Variants in PPP1R16B observed in about 807,000 individuals in gnomAD.
PPP1R16B encodes protein phosphatase 1 regulatory subunit 16B, also known as protein phosphatase 1 regulatory inhibitor subunit 16B.
PPP1R16B carries 14 observed loss-of-function variants against 61.7 expected under a neutral mutation model. The ratio of observed to expected loss-of-function variants is 0.23; its 90% CI spans 0.15 to 0.35. The LOEUF (loss-of-function observed/expected upper bound fraction) is 0.35, where lower values mean the gene tolerates loss of function less well. Ranked by LOEUF, PPP1R16B falls within the 10% of genes least tolerant of loss-of-function variation. PPP1R16B has a pLI of 1.00. For missense variants in PPP1R16B, 547 were observed against 752.5 expected, an observed-to-expected ratio of 0.73 and a Z score of 3.19; for synonymous variants, 266 against 305.3, an observed-to-expected ratio of 0.87 and a Z score of 1.34.
At chr20:38,896,165 T>TCCTTCCTTCTTTCTTCCCTC (rs796560459) in intron 4 of PPP1R16B, among the ~76,000 whole-genome samples, 5 of 101,832 alleles carry the variant, frequency 4.9e-5, no homozygotes, top group Admixed American at 1.9e-4. Context: ...CTCCCTCCCT[T>TCCTTCCTTCTTTCTTCCCTC]CCTTCCTTCT....
At chr20:38,886,063 A>AGGAATT (rs2085242738) in intron 2 of PPP1R16B, among the ~76,000 whole-genome samples, 1 of 152,214 alleles carries the variant, frequency 6.6e-6, no homozygotes, top group Non-Finnish European at 1.5e-5. Context: ...GGCATGAGCC[A>AGGAATT]CCGTGCCTGG....
At chr20:38,895,789 C>CCCTCTTTCCTTCTTTCTCTCCTCCCTT in intron 4 of PPP1R16B, 79 bp downstream of exon 4, 1 of 843,042 alleles carries the variant, frequency 1.2e-6, no homozygotes, top group East Asian at 4.1e-5. Context: ...TCTCCTCCCT[C>CCCTCTTTCCTTCTTTCTCTCCTCCCTT]CCTCCTTCCT....
At chr20:38,816,548 G>GTA (rs573629481) in intron 1 of PPP1R16B, among the ~76,000 whole-genome samples, 1 of 152,186 alleles carries the variant, frequency 6.6e-6, no homozygotes, top group African/African-American at 2.4e-5. Context: ...GTAGAAAGGG[G>GTA]TATGATCATC....
chr20:38,858,877 G>A (rs996579114), intron 2 of PPP1R16B, among the ~76,000 whole-genome samples: 1 of 152,202 alleles, frequency 6.6e-6, no homozygotes, highest in Non-Finnish European at 1.5e-5. Flanking sequence ...GGGAAAATTT[G>A]TCTCTGCTCC....
chr20:38,822,168 T>C (rs1005994729), intron 1 of PPP1R16B, among the ~76,000 whole-genome samples: 1 of 151,992 alleles, frequency 6.6e-6, no homozygotes, highest in Non-Finnish European at 1.5e-5. Context: ...TTAGTTGAAC[T>C]ACTTGAAGTC....
intron 2 of PPP1R16B, among the ~76,000 whole-genome samples, chr20:38,855,196 A>G (rs1437233388): frequency 6.6e-6 from 1 of 152,154 alleles, no homozygotes; most frequent in Non-Finnish European, 1.5e-5. Context: ...GCCATGTGTC[A>G]TCTCTAAAGA....
In PPP1R16B at chr20:38,850,699, C is replaced by T. The variant is rs565451638; in HGVS notation, c.250+14524C>T. On this transcript the variant is annotated intron_variant, in intron 2 of 10. Coordinates refer to ENST00000299824, the MANE Select transcript of PPP1R16B (RefSeq NM_015568.4). ...ATGTTGAATAGGGCCCAGCGTGGTG[C>T]TCACGCCTGTTAATCGCAGCACTTT... Among the ~76,000 whole-genome samples the T allele has an allele frequency of 3.3e-5, 5 of 152,316 alleles. No individual in the cohort carries two copies. In the South Asian group the frequency reaches 6.2e-4, roughly 19 times the overall value.
intron 10 of PPP1R16B, among the ~76,000 whole-genome samples, chr20:38,914,163 A>G (rs1355421128): frequency 6.6e-6 from 1 of 151,884 alleles, no homozygotes; most frequent in African/African-American, 2.4e-5. Context: ...AGCCTGGGCA[A>G]CAGAGTGAGA....
intron 1 of PPP1R16B, among the ~76,000 whole-genome samples, chr20:38,815,622 A>G (rs2084730636): frequency 6.6e-6 from 1 of 152,242 alleles, no homozygotes; most frequent in Admixed American, 6.5e-5. Context: ...TCAACAGTGT[A>G]TGACTGTTTC....
intron 2 of PPP1R16B, among the ~76,000 whole-genome samples, chr20:38,854,908 C>G (rs1003458299): frequency 6.6e-6 from 1 of 152,216 alleles, no homozygotes; most frequent in Non-Finnish European, 1.5e-5. Flanking sequence ...CCCATTTTCT[C>G]TATCTCTGTT....
At chr20:38,807,887 C>T (rs572816588) in intron 1 of PPP1R16B, among the ~76,000 whole-genome samples, 49 of 152,074 alleles carry the variant, frequency 3.2e-4, no homozygotes, top group South Asian at 1.3e-3. Context: ...TGTCAAGGGC[C>T]CCGTGCCATC....
At chr20:38,843,498 G>T (rs928312365) in intron 2 of PPP1R16B, among the ~76,000 whole-genome samples, 1 of 152,208 alleles carries the variant, frequency 6.6e-6, no homozygotes, top group Non-Finnish European at 1.5e-5. Flanking sequence ...AGGACAGCTC[G>T]AGTGTTCTCT....
At chr20:38,813,346 GAT>G (rs2084713409) in intron 1 of PPP1R16B, among the ~76,000 whole-genome samples, 1 of 152,266 alleles carries the variant, frequency 6.6e-6, no homozygotes, top group Admixed American at 6.5e-5. Context: ...GAGAAGTACA[GAT>G]GCCTGGGCCT....
At chr20:38,854,194 T>A (rs2084988124) in intron 2 of PPP1R16B, among the ~76,000 whole-genome samples, 1 of 152,218 alleles carries the variant, frequency 6.6e-6, no homozygotes, top group African/African-American at 2.4e-5. Flanking sequence ...GACCAAACAC[T>A]GCCTCTCTCT....
intron 2 of PPP1R16B, among the ~76,000 whole-genome samples, chr20:38,877,339 C>A (rs1409385247): frequency 6.6e-6 from 1 of 150,390 alleles, no homozygotes; most frequent in Admixed American, 6.6e-5. Context: ...GTTGGAGTCT[C>A]GCTCTTGTTG....
At chr20:38,889,453 C>T (rs986717504) in intron 2 of PPP1R16B, 142 bp from the exon 3 acceptor site, 6 of 702,704 alleles carry the variant, frequency 8.5e-6, no homozygotes, top group African/African-American at 3.5e-5. Context: ...AAATTCTGGG[C>T]GTCAGTTGTC....
At chr20:38,851,645 A>G (rs1366819375) in intron 2 of PPP1R16B, among the ~76,000 whole-genome samples, 1 of 152,204 alleles carries the variant, frequency 6.6e-6, no homozygotes, top group Non-Finnish European at 1.5e-5. Flanking sequence ...AATGGGCCAG[A>G]CCACCTTGGA....
chr20:38,839,107 T>C (rs1349931308), intron 2 of PPP1R16B, among the ~76,000 whole-genome samples: 4 of 152,196 alleles, frequency 2.6e-5, no homozygotes, highest in Admixed American at 2.6e-4. Flanking sequence ...TTTGTATTTT[T>C]AGTAGAGTTG....
At chr20:38,823,856 A>C (rs1328192401) in intron 1 of PPP1R16B, among the ~76,000 whole-genome samples, 1 of 152,134 alleles carries the variant, frequency 6.6e-6, no homozygotes, top group East Asian at 1.9e-4. Flanking sequence ...CATAGATTTC[A>C]TTTATTTTCC....
Sources: gnomAD v4.1 joint callset for allele counts (sites outside exome capture counted in the v4.1 genomes callset) on GRCh38, gnomAD v4.1.1 for gene constraint, MANE v1.5 for transcripts, NCBI Gene and HGNC (gene_info 2026-07-23, HGNC 2026-07-21) for gene names.